The following NFAT5 variants were observed in gnomAD, a reference collection of about 807,000 sequenced individuals.
NFAT5 encodes the protein nuclear factor of activated T-cells 5.
Under a neutral mutation model 166.5 loss-of-function variants are expected in NFAT5, and 31 were observed. The ratio of observed to expected loss-of-function variants is 0.19; its 90% CI spans 0.14 to 0.25. NFAT5 has a LOEUF of 0.25. Among genes scored for constraint, NFAT5 ranks in the 10% least tolerant of loss-of-function variants. NFAT5 has a pLI of 1.00. For missense variants in NFAT5, 1,449 were observed against 1,821.8 expected (o/e 0.80, Z 3.72); for synonymous variants, 612 against 639.7 (o/e 0.96, Z 0.65).
intron 2 of NFAT5, among the ~76,000 whole-genome samples, chr16:69,575,817 T>A (rs1160548570): frequency 6.6e-6 from 1 of 152,174 alleles, no homozygotes; most frequent in Non-Finnish European, 1.5e-5. Context: ...TACATATATT[T>A]TTCACATTTA....
rs1407912091 is a variant in NFAT5, at chr16:69,566,570, C to T, written c.73+196C>T. On this transcript the variant is annotated intron_variant, in intron 1 of 14. Transcript: ENST00000349945. This position sits in a 1 kb window ranked among gnomAD's most constrained non-coding sequence, Gnocchi z 5.7. ...GGGGGCGGGCGGAGCAGTGGCGGCC[C>T]CTCCCCCGCGGAGCCGCCGGCCGCT... 6.6e-6 allele frequency among the ~76,000 whole-genome samples: 1 copy of T among 152,052 alleles called. No individual in the cohort carries two copies. Among genetic ancestry groups the T allele is most frequent in the South Asian group, 2.1e-4 (1 of 4,836 alleles).
intron 2 of NFAT5, among the ~76,000 whole-genome samples, chr16:69,587,425 G>A (rs946726564): frequency 2.0e-5 from 3 of 151,896 alleles, no homozygotes; most frequent in African/African-American, 7.3e-5. Flanking sequence ...GTCTGGCTCT[G>A]TCGCCCAGGC....
rs755066747 is a variant in NFAT5 at position 69,647,637 on chromosome 16, A to G, written c.812+51A>G. The G allele has an allele frequency of 1.4e-5, 20 of 1,470,390 alleles. No individual in the cohort carries two copies. The South Asian group carries it at 2.8e-4, about 21-fold the overall frequency. The allele number at this position is 1,470,390 out of a possible 1,614,324, so 91.1% of individuals were successfully genotyped here. ...CTATCATCATTATGCAAAACAAACA[A>G]ACAAAAAAAATTCCCAATTTTTCCT... On this transcript the variant is annotated intron_variant, in intron 4 of 14. Transcript: ENST00000349945. The surrounding 1 kb of genome is among the most constrained non-coding windows in gnomAD (Gnocchi z 4.8).
intron 2 of NFAT5, among the ~76,000 whole-genome samples, chr16:69,600,150 GAAAA>G (rs35475393): frequency 7.1e-6 from 1 of 141,792 alleles, no homozygotes; most frequent in Non-Finnish European, 1.5e-5. Flanking sequence ...ATTTCTCTGG[GAAAA>G]AAAAAAAAAC....
intron 2 of NFAT5, among the ~76,000 whole-genome samples, chr16:69,587,948 T>TC (rs1484483219): frequency 4.4e-5 from 6 of 136,902 alleles, no homozygotes; most frequent in African/African-American, 1.6e-4. Context: ...TGCTTTCTTT[T>TC]TTTTTTTTTT....
At chr16:69,662,664 G>T (rs897629295) in intron 7 of NFAT5, among the ~76,000 whole-genome samples, 1 of 151,970 alleles carries the variant, frequency 6.6e-6, no homozygotes, top group African/African-American at 2.4e-5. Flanking sequence ...GTTTCACCGT[G>T]TTAGCCAGGA....
chr16:69,629,791 T>TA (rs2034628478), intron 3 of NFAT5, among the ~76,000 whole-genome samples: 2 of 148,556 alleles, frequency 1.3e-5, no homozygotes, highest in Admixed American at 6.8e-5. Context: ...TTTTTTTTTT[T>TA]AAGAGACAGG....
intron 9 of NFAT5, chr16:69,676,831 G>A (rs188101076): frequency 1.4e-3 from 232 of 168,140 alleles, no homozygotes; most frequent in African/African-American, 5.3e-3. Flanking sequence ...CATTTGAGGA[G>A]GTGAAGGAAT....
At chr16:69,580,564 T>C (rs1373132252) in intron 2 of NFAT5, among the ~76,000 whole-genome samples, 2 of 152,122 alleles carry the variant, frequency 1.3e-5, no homozygotes, top group Non-Finnish European at 2.9e-5. Flanking sequence ...AGCACTGTGT[T>C]GCGCAGGGTT....
intron 3 of NFAT5, among the ~76,000 whole-genome samples, chr16:69,639,909 C>G (rs911133036): frequency 6.6e-6 from 1 of 152,064 alleles, no homozygotes; most frequent in Non-Finnish European, 1.5e-5. Context: ...AGAAATTTCC[C>G]CACATGCATT....
At chr16:69,623,514 TA>T (rs2034296827) in intron 2 of NFAT5, among the ~76,000 whole-genome samples, 1 of 151,402 alleles carries the variant, frequency 6.6e-6, no homozygotes, top group Non-Finnish European at 1.5e-5. Flanking sequence ...TTATTATTGT[TA>T]TTTTTTTTTG....
In NFAT5 at chr16:69,693,162, A is replaced by G. The variant is rs1230159762; in HGVS notation, c.3337A>G (p.Ser1113Gly). ...GGAAACTCAAGGTTCTCTCTTTCAT[A>G]GTCCAAATCCTATTGTCCACAGTCA... ...SQETQGSLFH[S>G]PNPIVHSQTS... Residue 1113 changes from serine to glycine, a missense_variant, in exon 13 of 15, where the codon AGT (serine) becomes GGT (glycine). Ser to Gly is a moderately conservative substitution (Grantham distance 56). Transcript: ENST00000349945. The G allele has an allele frequency of 6.2e-7, 1 of 1,614,014 alleles. No homozygotes were observed. The highest frequency in any genetic ancestry group is 1.3e-5 in the African/African-American group (1 of 74,898).
Position 69,647,057 on chromosome 16 carries a change from A to G in NFAT5, c.283A>G (p.Met95Val), listed in dbSNP as rs369918817. The change falls in exon 4 of 15, where the codon ATG becomes GTG. Residue 95 changes from methionine (M) to valine (V), a missense_variant. By Grantham distance (21) the Met-to-Val change is conservative (BLOSUM62 1). Transcript: ENST00000349945. This position sits in a 1 kb window ranked among gnomAD's most constrained non-coding sequence, Gnocchi z 4.8. ...DASSAPSSSSMGGACSSFTTS... is the reference protein window; with the variant it reads ...DASSAPSSSSVGGACSSFTTS... Reference sequence around the variant, plus strand: ...TTCTTCAGCTCCCTCCTCTTCCTCCATGGGCGGTGCTTGCAGCTCCTTTAC... The same window carrying G: ...TTCTTCAGCTCCCTCCTCTTCCTCCGTGGGCGGTGCTTGCAGCTCCTTTAC... 25 of 1,596,720 alleles carry G rather than the reference A, an allele frequency of 1.6e-5. No homozygotes were observed. Among genetic ancestry groups the G allele is most frequent in the Middle Eastern group, 1.7e-4 (1 of 5,976 alleles).
rs529625748 is a variant in NFAT5, at chr16:69,607,282, T to G, written c.128-19121T>G. 2.6e-5 allele frequency among the ~76,000 whole-genome samples: 4 copies of G among 152,242 alleles called. No individual in the cohort carries two copies. The East Asian group carries it at 7.7e-4, about 29-fold the overall frequency. ...CATGCTGCCTACCTCTTATTTATTA[T>G]AAACAATATTGGTATACTGACACAA... On this transcript the variant is annotated intron_variant, in intron 2 of 14. Coordinates refer to ENST00000349945, the MANE Select transcript of NFAT5 (RefSeq NM_138713.4).
chr16:69,691,324 G>C (rs1477218695), intron 12 of NFAT5, among the ~76,000 whole-genome samples: 1 of 152,116 alleles, frequency 6.6e-6, no homozygotes, highest in African/African-American at 2.4e-5. Context: ...TTCAGAATTA[G>C]AGATGTTTTT....
rs1597318691 is a variant in NFAT5 at position 69,566,112 on chromosome 16, C to T, written c.-190C>T. The T allele has an allele frequency of 1.7e-6, 1 of 573,678 alleles. No homozygotes were observed. Among genetic ancestry groups the T allele is most frequent in the South Asian group, 2.1e-5 (1 of 47,358 alleles). The allele number at this position is 573,678 out of a possible 1,614,324, so 35.5% of individuals were successfully genotyped here. A position where few individuals can be genotyped will look rare whatever the true frequency, so the allele number is the denominator to read the frequency against. On this transcript the variant is annotated 5_prime_UTR_variant, in exon 1 of 15. Coordinates refer to ENST00000349945, the MANE Select transcript of NFAT5 (RefSeq NM_138713.4). This position sits in a 1 kb window ranked among gnomAD's most constrained non-coding sequence, Gnocchi z 5.7. ...CCGAGAATCAGTCCCCGTGGAGTTCCCCCTCCACCTCGCCATCGTTTCCTC... is the reference window on the plus strand; with the variant it reads ...CCGAGAATCAGTCCCCGTGGAGTTCTCCCTCCACCTCGCCATCGTTTCCTC...
intron 1 of NFAT5, 30 bp from the exon 2 acceptor site, chr16:69,568,465 A>G (rs978339543): frequency 1.2e-6 from 2 of 1,607,184 alleles, no homozygotes; most frequent in Non-Finnish European, 1.7e-6. Context: ...TTCAGCATAA[A>G]AAGTACCTAA....
intron 2 of NFAT5, among the ~76,000 whole-genome samples, chr16:69,624,903 TAAAA>T (rs376117061): frequency 7.1e-6 from 1 of 140,062 alleles, no homozygotes. Context: ...TTCTTTTTTT[TAAAA>T]AAAAAAAAAA....
chr16:69,602,107 C>T (rs1253360414), intron 2 of NFAT5, among the ~76,000 whole-genome samples: 7 of 139,630 alleles, frequency 5.0e-5, no homozygotes, highest in South Asian at 2.3e-4. Context: ...AAATAAAGAA[C>T]GTTGAAAGCA....
Sources: gnomAD v4.1 joint callset for allele counts (sites outside exome capture counted in the v4.1 genomes callset) on GRCh38, gnomAD v4.1.1 for gene constraint, Gnocchi (gnomAD v3.1) non-coding constraint, MANE v1.5 for transcripts, NCBI Gene and HGNC (gene_info 2026-07-23, HGNC 2026-07-21) for gene names.